The following EPB41L4A variants were observed in gnomAD, a reference collection of about 807,000 sequenced individuals.
EPB41L4A encodes the protein band 4.1-like protein 4A.
A neutral mutation model predicts 108.6 loss-of-function variants in EPB41L4A; 100 were observed. The observed-to-expected ratio is 0.92, with a 90% CI of 0.78 to 1.09. The LOEUF (loss-of-function observed/expected upper bound fraction) is 1.09, where lower values mean the gene tolerates loss of function less well. EPB41L4A is among the 50% of genes least tolerant of loss of function. EPB41L4A has a pLI of 0.00. For missense variants in EPB41L4A, 1,030 were observed against 842.7 expected (o/e 1.22, Z -2.75); for synonymous variants, 319 against 289.0 (o/e 1.10, Z -1.05).
At chr5:112,143,731 T>C (rs1011858002) in exon 14 of EPB41L4A, 2 of 334,068 alleles carry the variant, frequency 6.0e-6, no homozygotes, top group Non-Finnish European at 1.2e-5. Flanking sequence ...GACTCCAATA[T>C]AGAAAAGTCC....
Position 112,194,643 on chromosome 5 carries a change from G to T in EPB41L4A, c.1427C>A (p.Ser476Ter), listed in dbSNP as rs746998069. The change falls in exon 17 of 23, where the codon TCA becomes TAA. Residue 476 changes from serine to a stop codon, truncating the protein, a stop_gained and splice_region_variant. Coordinates refer to ENST00000261486, the MANE Select transcript of EPB41L4A (RefSeq NM_022140.5). LOFTEE classifies it high-confidence loss of function. ...ACTGCTGGTGTTACAGCGTGAACGT[G>T]ACCTGAAGACAAAAAGGTAAGAACA... ...EDSDLKQRRRSRSRCNTSSGS... is the reference protein window; with the variant it reads ...EDSDLKQRRR The T allele has an allele frequency of 6.3e-7, 1 of 1,593,466 alleles. No individual in the cohort carries two copies. The highest frequency in any genetic ancestry group is 8.5e-7 in the Non-Finnish European group (1 of 1,171,878).
chr5:112,255,068 C>A (rs1219423713), intron 9 of EPB41L4A, among the ~76,000 whole-genome samples: 1 of 152,072 alleles, frequency 6.6e-6, no homozygotes, highest in Non-Finnish European at 1.5e-5. Flanking sequence ...TCAGACCGTT[C>A]TCTTTCCTTC....
chr5:112,264,038 C>A (rs1011305033), intron 6 of EPB41L4A: 1 of 152,162 alleles, frequency 6.6e-6, no homozygotes, highest in Non-Finnish European at 1.5e-5. Context: ...TTCTCAAACT[C>A]CTGACCTCAG....
rs776296256 is a variant in EPB41L4A at position 112,184,004 on chromosome 5, G to C, written c.1622+12C>G. On this transcript the variant is annotated intron_variant, in intron 18 of 22. Transcript: ENST00000261486. ...GTGTTTTTGAATCAAGGTATAAAAA[G>C]AGTCCACATACGAACGAGATCTGTG... 19 of 1,613,544 alleles carry C rather than the reference G, an allele frequency of 1.2e-5. No individual in the cohort carries two copies. Among genetic ancestry groups the C allele is most frequent in the Non-Finnish European group, 1.4e-5 (17 of 1,179,786 alleles).
In EPB41L4A at chr5:112,419,032, C is replaced by T; in HGVS notation, c.8G>A (p.Cys3Tyr). MGCFCAVPEEFYC... is the reference protein window; with the variant it reads MGYFCAVPEEFYC... ...AAATTCTTCCGGAACAGCGCAGAAA[C>T]AGCCCATGTCGGTTGTGGTCGTCTC... is the stretch of plus-strand genomic sequence containing the variant. Residue 3 changes from cysteine to tyrosine, a missense_variant, in exon 1 of 23, where the codon TGT (cysteine) becomes TAT (tyrosine). Coordinates refer to ENST00000261486, the MANE Select transcript of EPB41L4A (RefSeq NM_022140.5). 1.2e-6 allele frequency: 2 copies of T among 1,613,290 alleles called. No homozygotes were observed. The highest frequency in any genetic ancestry group is 1.7e-6 in the Non-Finnish European group (2 of 1,179,478).
chr5:112,396,647 T>C (rs1321681195), intron 1 of EPB41L4A, among the ~76,000 whole-genome samples: 2 of 152,154 alleles, frequency 1.3e-5, no homozygotes, highest in African/African-American at 2.4e-5. Flanking sequence ...TACCTGGCTA[T>C]TGGCAAGAAC....
chr5:112,156,838 A>G (rs1759664677), intron 12 of EPB41L4A, among the ~76,000 whole-genome samples: 1 of 152,178 alleles, frequency 6.6e-6, no homozygotes, highest in Non-Finnish European at 1.5e-5. Flanking sequence ...AATCCTGAAG[A>G]CAAGCGTAAT....
intron 1 of EPB41L4A, among the ~76,000 whole-genome samples, chr5:112,350,467 A>G (rs13360734): frequency 0.014 from 2,106 of 152,352 alleles, 21 homozygotes; most frequent in Non-Finnish European, 0.019. Flanking sequence ...AGGATTTATC[A>G]TTTCTGTTCT....
At chr5:112,349,771 T>C (rs1757922038) in intron 1 of EPB41L4A, among the ~76,000 whole-genome samples, 1 of 151,956 alleles carries the variant, frequency 6.6e-6, no homozygotes, top group Non-Finnish European at 1.5e-5. Context: ...AAATGAAACC[T>C]AGAGGAAGCT....
At chr5:112,330,511 C>T (rs560747971) in intron 1 of EPB41L4A, among the ~76,000 whole-genome samples, 3 of 152,024 alleles carry the variant, frequency 2.0e-5, no homozygotes, top group Admixed American at 6.6e-5. Context: ...GGCTTGCATG[C>T]ATCCTGTATT....
rs190846583 is a variant in EPB41L4A at position 112,314,049 on chromosome 5, G to A, written c.100-6559C>T. 1.7e-3 allele frequency among the ~76,000 whole-genome samples: 253 copies of A among 151,508 alleles called. 2 individuals are homozygous for A. The highest frequency in any genetic ancestry group is 5.8e-3 in the African/African-American group (238 of 41,290). On this transcript the variant is annotated intron_variant, in intron 1 of 22. Transcript: ENST00000261486. ...CGGCTAATTTGTATTTTTAGTAGAC[G>A]GGGTTTCACCGTGTTAGCCAGGATG...
At position 112,365,243 on chromosome 5, in the gene EPB41L4A, G is replaced by C. The variant is rs996120876; in HGVS notation, c.99+53698C>G. ...CTCGCTACATGGCCCAGGCTGGAGT[G>C]CAGTGGCTATTCACAGGCATGATCA... On this transcript the variant is annotated intron_variant, in intron 1 of 22. Coordinates refer to ENST00000261486, the MANE Select transcript of EPB41L4A (RefSeq NM_022140.5). Among the ~76,000 whole-genome samples the C allele has an allele frequency of 2.7e-4, 41 of 152,118 alleles. 1 individual carries two copies. Among genetic ancestry groups the C allele is most frequent in the African/African-American group, 8.7e-4 (36 of 41,420 alleles).
At chr5:112,391,821 G>A (rs1203430015) in intron 1 of EPB41L4A, among the ~76,000 whole-genome samples, 2 of 152,156 alleles carry the variant, frequency 1.3e-5, no homozygotes, top group Non-Finnish European at 2.9e-5. Flanking sequence ...GTTAAGGGCA[G>A]TCAGAGAGAA....
chr5:112,189,818 CT>C (rs2150249781), intron 17 of EPB41L4A, among the ~76,000 whole-genome samples: 1 of 152,328 alleles, frequency 6.6e-6, no homozygotes, highest in South Asian at 2.1e-4. Flanking sequence ...GCTCAAAGGA[CT>C]GCTGATTTTC....
At chr5:112,344,253 A>T (rs1010950952) in intron 1 of EPB41L4A, among the ~76,000 whole-genome samples, 1 of 152,248 alleles carries the variant, frequency 6.6e-6, no homozygotes, top group Non-Finnish European at 1.5e-5. Flanking sequence ...CCACAGTCTC[A>T]CTAGTCATAT....
chr5:112,357,423 T>C (rs182350791), intron 1 of EPB41L4A, among the ~76,000 whole-genome samples: 1 of 152,262 alleles, frequency 6.6e-6, no homozygotes, highest in Admixed American at 6.5e-5. Flanking sequence ...GCACAAGAAA[T>C]TGCAAGAGCA....
At chr5:112,394,151 C>G (rs981762759) in intron 1 of EPB41L4A, among the ~76,000 whole-genome samples, 7 of 152,156 alleles carry the variant, frequency 4.6e-5, no homozygotes, top group African/African-American at 1.7e-4. Flanking sequence ...TGGGCAAAAA[C>G]TGGAAGCATT....
chr5:112,211,623 T>A (rs1028498627), intron 12 of EPB41L4A, among the ~76,000 whole-genome samples: 1 of 148,762 alleles, frequency 6.7e-6, no homozygotes, highest in East Asian at 2.0e-4. Flanking sequence ...CAAGTGAAAG[T>A]GATGTTCAAT....
At chr5:112,198,321 C>A (rs1762060949) in intron 15 of EPB41L4A, among the ~76,000 whole-genome samples, 1 of 152,186 alleles carries the variant, frequency 6.6e-6, no homozygotes, top group Admixed American at 6.5e-5. Context: ...GCATGAGCCA[C>A]CGTACATGGC....
Sources: gnomAD v4.1 joint callset for allele counts (sites outside exome capture counted in the v4.1 genomes callset) on GRCh38, gnomAD v4.1.1 for gene constraint, MANE v1.5 for transcripts, NCBI Gene and HGNC (gene_info 2026-07-23, HGNC 2026-07-21) for gene names.